NDRG3: variants seen among roughly 807,000 people sequenced by gnomAD.
NDRG3 encodes the protein NDRG family member 3, also known as protein NDRG3.
NDRG3 carries 23 observed loss-of-function variants against 57.2 expected under a neutral mutation model. The ratio of observed to expected loss-of-function variants is 0.40; its 90% confidence interval spans 0.29 to 0.57. The LOEUF is 0.57. Ranked by LOEUF, NDRG3 falls within the 20% of genes least tolerant of loss-of-function variation. The pLI is 0.42. For missense variants in NDRG3, 384 were observed against 457.3 expected, an observed-to-expected ratio of 0.84 and a Z score of 1.46; for synonymous variants, 132 against 162.6, an observed-to-expected ratio of 0.81 and a Z score of 1.43.
intron 2 of NDRG3, among the ~76,000 whole-genome samples, chr20:36,720,641 G>T (rs1984535570): frequency 6.6e-6 from 1 of 152,112 alleles, no homozygotes; most frequent in African/African-American, 2.4e-5. Context: ...CATAGACTTG[G>T]CAAACTTCAG....
At chr20:36,734,083 G>A (rs1033460511) in intron 1 of NDRG3, among the ~76,000 whole-genome samples, 2 of 152,150 alleles carry the variant, frequency 1.3e-5, no homozygotes, top group Non-Finnish European at 2.9e-5. Flanking sequence ...GACATGCCTG[G>A]GCACGGTGGC....
In NDRG3 at chr20:36,665,032, G is replaced by A. The variant is rs1321308818; in HGVS notation, c.810+14C>T. The A allele has an allele frequency of 6.2e-7, 1 of 1,613,144 alleles. No individual in the cohort carries two copies. The highest frequency in any genetic ancestry group is 8.5e-7 in the Non-Finnish European group (1 of 1,179,222). On this transcript the variant is annotated intron_variant, in intron 12 of 15. Transcript: ENST00000349004. ...TTGATCTCATTCATCTTCACAGCATGAGGACATACTTACCACAGCCTCAAC... is the reference window on the plus strand; with the variant it reads ...TTGATCTCATTCATCTTCACAGCATAAGGACATACTTACCACAGCCTCAAC...
At chr20:36,741,333 C>G (rs768726117) in intron 1 of NDRG3, among the ~76,000 whole-genome samples, 2 of 152,186 alleles carry the variant, frequency 1.3e-5, no homozygotes, top group Non-Finnish European at 2.9e-5. Flanking sequence ...AGCCTGCAAG[C>G]TTTAGCAAAG....
intron 12 of NDRG3, among the ~76,000 whole-genome samples, chr20:36,661,501 C>T (rs2148031800): frequency 6.6e-6 from 1 of 152,316 alleles, no homozygotes; most frequent in Non-Finnish European, 1.5e-5. Context: ...CCACTGCAAA[C>T]ACTTCACAAC....
At chr20:36,665,801 T>C (rs370138322) in intron 10 of NDRG3, among the ~76,000 whole-genome samples, 2 of 152,198 alleles carry the variant, frequency 1.3e-5, no homozygotes, top group African/African-American at 2.4e-5. Flanking sequence ...TTTCACTATG[T>C]TGGCCAGGCT....
chr20:36,661,778 G>A (rs1337527231), intron 12 of NDRG3, among the ~76,000 whole-genome samples: 2 of 152,194 alleles, frequency 1.3e-5, no homozygotes, highest in Non-Finnish European at 2.9e-5. Flanking sequence ...TGGCCTACAT[G>A]ATAGACTGCA....
chr20:36,696,726 C>T (rs1042717689), intron 3 of NDRG3, among the ~76,000 whole-genome samples: 1 of 148,974 alleles, frequency 6.7e-6, no homozygotes, highest in African/African-American at 2.5e-5. Context: ...CCCCTGACCT[C>T]GTGATCCGCC....
intron 2 of NDRG3, among the ~76,000 whole-genome samples, chr20:36,711,258 G>A (rs1329723981): frequency 6.6e-6 from 1 of 150,430 alleles, no homozygotes; most frequent in South Asian, 2.1e-4. Flanking sequence ...CAGCCTGGGC[G>A]ACAGTGCGAG....
intron 1 of NDRG3, among the ~76,000 whole-genome samples, chr20:36,725,260 G>T (rs980148355): frequency 6.6e-6 from 1 of 151,724 alleles, no homozygotes; most frequent in Non-Finnish European, 1.5e-5. Flanking sequence ...TTGCGCCACC[G>T]CACTCCAGCC....
At chr20:36,744,967 A>AGGGGGGGGGGGGGGG (rs34122149) in intron 1 of NDRG3, among the ~76,000 whole-genome samples, 1 of 65,346 alleles carries the variant, frequency 1.5e-5, no homozygotes. Flanking sequence ...GGCCAGGGTA[A>AGGGGGGGGGGGGGGG]GGGGGGGGGG....
intron 2 of NDRG3, among the ~76,000 whole-genome samples, chr20:36,718,290 A>C (rs1472937351): frequency 6.6e-6 from 1 of 152,190 alleles, no homozygotes; most frequent in Non-Finnish European, 1.5e-5. Context: ...CCTCTTGCCT[A>C]TCTACCTGCT....
intron 1 of NDRG3, among the ~76,000 whole-genome samples, chr20:36,733,166 AAAAAAATATATATAT>A (rs1292902336): frequency 2.6e-5 from 2 of 77,680 alleles, no homozygotes; most frequent in African/African-American, 5.3e-5. Context: ...AAAAAAAAAA[AAAAAAATATATATAT>A]ATATATATAT....
At chr20:36,686,484 A>G (rs1981790823) in intron 5 of NDRG3, among the ~76,000 whole-genome samples, 1 of 152,184 alleles carries the variant, frequency 6.6e-6, no homozygotes, top group African/African-American at 2.4e-5. Context: ...TTTGTCTGCA[A>G]TTGTCTATTT....
At chr20:36,699,695 T>G (rs1025677744) in intron 3 of NDRG3, among the ~76,000 whole-genome samples, 5 of 147,188 alleles carry the variant, frequency 3.4e-5, no homozygotes, top group South Asian at 2.1e-4. Flanking sequence ...GGTGGTAGGG[T>G]GTGTGTGTGT....
chr20:36,731,539 G>C (rs1985282655), intron 1 of NDRG3, among the ~76,000 whole-genome samples: 1 of 152,144 alleles, frequency 6.6e-6, no homozygotes, highest in South Asian at 2.1e-4. Context: ...CAGGCGCGAT[G>C]GGTCACACCC....
At chr20:36,693,359 T>C (rs1982505619) in intron 3 of NDRG3, among the ~76,000 whole-genome samples, 1 of 150,566 alleles carries the variant, frequency 6.6e-6, no homozygotes, top group Admixed American at 6.7e-5. Context: ...CACTGTGTAG[T>C]CAAAAATCCA....
chr20:36,697,981 T>C (rs1215092829), intron 3 of NDRG3, among the ~76,000 whole-genome samples: 1 of 148,772 alleles, frequency 6.7e-6, no homozygotes, highest in African/African-American at 2.5e-5. Context: ...TTTTTTTTTT[T>C]TTGAGACAGA....
intron 3 of NDRG3, among the ~76,000 whole-genome samples, chr20:36,697,945 C>T (rs971776559): frequency 1.1e-4 from 17 of 148,828 alleles, no homozygotes; most frequent in Admixed American, 8.7e-4. Context: ...ACATAATTTG[C>T]GAGTTTTTTT....
chr20:36,661,343 A>C (rs917104074), intron 12 of NDRG3, among the ~76,000 whole-genome samples: 2 of 152,162 alleles, frequency 1.3e-5, no homozygotes, highest in African/African-American at 2.4e-5. Context: ...TGTTTTGGGG[A>C]GACAATCTGT....
Sources: allele counts gnomAD v4.1 joint callset (sites outside exome capture counted in the v4.1 genomes callset), GRCh38; gene constraint gnomAD v4.1.1; transcripts MANE v1.5; gene names NCBI Gene and HGNC (gene_info 2026-07-23, HGNC 2026-07-21).